PHLPP2: variants seen among roughly 807,000 people sequenced by gnomAD.
PHLPP2 encodes the protein PH domain and leucine rich repeat protein phosphatase 2.
PHLPP2 carries 66 observed loss-of-function variants against 124.9 expected under a neutral mutation model. The ratio of observed to expected loss-of-function variants is 0.53; its 90% CI spans 0.43 to 0.65. The LOEUF is 0.65. Ranked by LOEUF, PHLPP2 falls within the 30% of genes least tolerant of loss-of-function variation. PHLPP2 has a pLI of 0.00. For missense variants in PHLPP2, 1,685 were observed against 1,600.4 expected (o/e 1.05, Z -0.90); for synonymous variants, 681 against 624.7 (o/e 1.09, Z -1.34).
In PHLPP2 at chr16:71,684,539, C is replaced by T. The variant is rs1440337692; in HGVS notation, c.672G>A (p.Gln224=). ...LAFSSAGAQA[Q]TYHVSFETLA... ...AAGTCTCGAAGCTGACATGATAGGTCTGAGCTTGGGCTCCTGCTGAGCTGA... is the reference window on the plus strand; with the variant it reads ...AAGTCTCGAAGCTGACATGATAGGTTTGAGCTTGGGCTCCTGCTGAGCTGA... The change falls in exon 5 of 19, where the codon CAG becomes CAA. Residue 224 remains glutamine, a synonymous_variant. Coordinates refer to ENST00000568954, the MANE Select transcript of PHLPP2 (RefSeq NM_015020.3). 2 of 1,613,936 alleles carry T rather than the reference C, an allele frequency of 1.2e-6. No individual in the cohort carries two copies. The highest frequency in any genetic ancestry group is 1.7e-6 in the Non-Finnish European group (2 of 1,179,948).
chr16:71,671,878 C>A (rs774368317), intron 10 of PHLPP2, among the ~76,000 whole-genome samples: 2 of 152,064 alleles, frequency 1.3e-5, no homozygotes, highest in African/African-American at 2.4e-5. Flanking sequence ...CACGCCACTG[C>A]ACTCCAGCCT....
chr16:71,673,121 TAA>T (rs960893886), intron 9 of PHLPP2, among the ~76,000 whole-genome samples: 1 of 152,240 alleles, frequency 6.6e-6, no homozygotes, highest in African/African-American at 2.4e-5. Context: ...GATGACATGT[TAA>T]GTCTTTTCCA....
At chr16:71,693,293 G>C (rs543828865) in intron 3 of PHLPP2, among the ~76,000 whole-genome samples, 1 of 151,642 alleles carries the variant, frequency 6.6e-6, no homozygotes, top group African/African-American at 2.4e-5. Context: ...TCTCACAAAA[G>C]AAAAAAAAGA....
At position 71,648,725 on chromosome 16, in the gene PHLPP2, C is replaced by G; in HGVS notation, c.*165G>C. On this transcript the variant is annotated 3_prime_UTR_variant, in exon 19 of 19. Coordinates refer to ENST00000568954, the MANE Select transcript of PHLPP2 (RefSeq NM_015020.3). ...GACAGAGGCTGCAGTGACCCGAGAC[C>G]CCACCATTGCACTCCAGCCTGAGCG... 1.6e-6 allele frequency: 1 copy of G among 610,774 alleles called. No homozygotes were observed. Among genetic ancestry groups the G allele is most frequent in the Non-Finnish European group, 2.9e-6 (1 of 347,588 alleles). The allele number at this position is 610,774 out of a possible 1,614,324, so 37.8% of individuals were successfully genotyped here.
intron 16 of PHLPP2, among the ~76,000 whole-genome samples, chr16:71,655,763 T>C (rs568827559): frequency 7.2e-5 from 11 of 152,080 alleles, no homozygotes; most frequent in Non-Finnish European, 1.5e-4. Context: ...GTCCTGGGAT[T>C]ACAGGTGTGA....
rs571267477 is a variant in PHLPP2, at chr16:71,709,187, C to T, written c.284+5325G>A. ...CAAAAACATGTAGGAAAAAAAACTC[C>T]CTTTCCCCTATTCAGTGGTAATCAG... is the stretch of plus-strand genomic sequence containing the variant. On this transcript the variant is annotated intron_variant, in intron 2 of 18. Coordinates refer to ENST00000568954, the MANE Select transcript of PHLPP2 (RefSeq NM_015020.3). Among the ~76,000 whole-genome samples the T allele has an allele frequency of 4.6e-5, 7 of 152,058 alleles. No homozygotes were observed. In the East Asian group the frequency reaches 1.2e-3, roughly 25 times the overall value.
At chr16:71,716,356 C>A (rs1219732528) in intron 1 of PHLPP2, among the ~76,000 whole-genome samples, 1 of 152,142 alleles carries the variant, frequency 6.6e-6, no homozygotes, top group African/African-American at 2.4e-5. Context: ...AGTATCAACA[C>A]AATACTGCAC....
At chr16:71,694,467 TAAATA>T (rs1476858820) in intron 3 of PHLPP2, among the ~76,000 whole-genome samples, 1 of 151,628 alleles carries the variant, frequency 6.6e-6, no homozygotes, top group African/African-American at 2.4e-5. Flanking sequence ...TCTCAAAAAA[TAAATA>T]AAATAAATAA....
intron 11 of PHLPP2, 107 bp from the exon 12 acceptor site, chr16:71,667,440 T>G: frequency 2.4e-6 from 2 of 840,856 alleles, no homozygotes; most frequent in Non-Finnish European, 3.7e-6. Context: ...TAGAAACATA[T>G]TCTCCTAGAT....
Position 71,656,628 on chromosome 16 carries a change from G to T in PHLPP2, c.2333C>A (p.Thr778Lys). 3 of 1,613,766 alleles carry T rather than the reference G, an allele frequency of 1.9e-6. No homozygotes were observed. Among genetic ancestry groups the T allele is most frequent in the Non-Finnish European group, 2.5e-6 (3 of 1,179,694 alleles). The change falls in exon 16 of 19, where the codon ACA (threonine) becomes AAA (lysine). Residue 778 changes from threonine (T) to lysine (K), a missense_variant. Physicochemically the swap from Thr to Lys is moderately conservative, Grantham distance 78. Coordinates refer to ENST00000568954, the MANE Select transcript of PHLPP2 (RefSeq NM_015020.3). ...DQKPLPTTDS[T>K]VTSTFWSHGL... ...ATGGCTCCAGAAGGTTGACGTAACT[G>T]TAGAATCTGTGGTTGGCAAAGGTTT...
intron 14 of PHLPP2, 75 bp from the exon 15 acceptor site, chr16:71,658,438 T>G (rs2044760194): frequency 7.3e-6 from 10 of 1,376,834 alleles, no homozygotes; most frequent in East Asian, 7.0e-5. Flanking sequence ...GTCCAATCTC[T>G]TACTATATCC....
intron 3 of PHLPP2, among the ~76,000 whole-genome samples, chr16:71,693,448 A>T (rs1232077455): frequency 6.6e-6 from 1 of 152,164 alleles, no homozygotes; most frequent in Non-Finnish European, 1.5e-5. Flanking sequence ...TTCTCTTTTC[A>T]ATCAATCATT....
At position 71,714,602 on chromosome 16, in the gene PHLPP2, A is replaced by C; in HGVS notation, c.194T>G (p.Val65Gly). 6.2e-7 allele frequency: 1 copy of C among 1,614,150 alleles called. No homozygotes were observed. Among genetic ancestry groups the C allele is most frequent in the East Asian group, 2.2e-5 (1 of 44,882 alleles). Residue 65 changes from valine (V) to glycine (G), a missense_variant, in exon 2 of 19, where the codon GTC becomes GGC. Val to Gly is a moderately radical substitution (Grantham distance 109, BLOSUM62 -3). Transcript: ENST00000568954. Reference sequence around the variant, plus strand: ...TGCTGGTGTCTCTACAGTGCAAAGGACGAGATGTAAGTCAGAGGAAGAGGA... The same window carrying C: ...TGCTGGTGTCTCTACAGTGCAAAGGCCGAGATGTAAGTCAGAGGAAGAGGA... ...SSSSSSDLHL[V>G]LCTVETPASE...
rs778025916 is a variant in PHLPP2, at chr16:71,714,762, T to C, written c.34A>G (p.Arg12Gly). Residue 12 changes from arginine to glycine, a missense_variant, in exon 2 of 19, where the codon AGG (arginine) becomes GGG (glycine). By Grantham distance (125) the Arg-to-Gly change is moderately radical. Coordinates refer to ENST00000568954, the MANE Select transcript of PHLPP2 (RefSeq NM_015020.3). ...KRNGSRNCLN[R>G]RSRFGSRERD... ...TCTCGAGAACCAAACCTACTTCTCC[T>C]ATTCAAACAATTTCTGCTCCCATTG... 1 of 1,613,938 alleles carries C rather than the reference T, an allele frequency of 6.2e-7. No individual in the cohort carries two copies. Among genetic ancestry groups the C allele is most frequent in the Non-Finnish European group, 8.5e-7 (1 of 1,179,932 alleles).
At chr16:71,661,283 C>A in intron 13 of PHLPP2, among the ~76,000 whole-genome samples, 1 of 151,958 alleles carries the variant, frequency 6.6e-6, no homozygotes, top group Non-Finnish European at 1.5e-5. Context: ...GTTGCCCAGG[C>A]TGGTCTTAAA....
chr16:71,717,521 A>C (rs2045370996), intron 1 of PHLPP2, among the ~76,000 whole-genome samples: 1 of 152,220 alleles, frequency 6.6e-6, no homozygotes, highest in Admixed American at 6.5e-5. Context: ...AAAGCTGAAC[A>C]TCTCAGAATG....
rs2044663803 is a variant in PHLPP2 at position 71,647,751 on chromosome 16, G to A, written c.*1139C>T. ...TGTCAAGGGGTAATTCTCTTTTTCT[G>A]ATCTAGGGAGAAGTAGTCTAGGTCC... On this transcript the variant is annotated 3_prime_UTR_variant, in exon 19 of 19. Transcript: ENST00000568954. 1 of 152,106 alleles carries A rather than the reference G, an allele frequency of 6.6e-6. No homozygotes were observed. The highest frequency in any genetic ancestry group is 6.5e-5 in the Admixed American group (1 of 15,280). 9.4% of individuals were successfully genotyped at this position (152,106 alleles called of 1,614,324 possible). A position where few individuals can be genotyped will look rare whatever the true frequency, so the allele number is the denominator to read the frequency against.
In PHLPP2 at chr16:71,658,337, C is replaced by T. The variant is rs199619105; in HGVS notation, c.2175G>A (p.Leu725=). The change falls in exon 15 of 19, where the codon TTG becomes TTA. Residue 725 remains leucine, a synonymous_variant. Transcript: ENST00000568954. ...IQFVDLSCND[L]TEILIPEALP... ...AAGCCTCTGGAATCAGGATTTCTGT[C>T]AAGTCGTTGCAACTTAGGTCTACAA... 2.5e-6 allele frequency: 4 copies of T among 1,613,812 alleles called. No homozygotes were observed. The South Asian group carries it at 4.4e-5, about 18-fold the overall frequency.
At position 71,652,857 on chromosome 16, in the gene PHLPP2, A is replaced by C. The variant is rs770246033; in HGVS notation, c.2750T>G (p.Val917Gly). 30 of 1,614,060 alleles carry C rather than the reference A, an allele frequency of 1.9e-5. No individual in the cohort carries two copies. In the South Asian group the frequency reaches 3.3e-4, roughly 18 times the overall value. The change falls in exon 18 of 19, where the codon GTC becomes GGC. Residue 917 changes from valine to glycine, a missense_variant. By Grantham distance (109) the Val-to-Gly change is moderately radical (BLOSUM62 -3). Transcript: ENST00000568954. ...CTCTGGGTCCTGCTCCAGGCTGAAGACTTTAGAGAGGGGCACTGGCTTCCC... is the reference window on the plus strand; with the variant it reads ...CTCTGGGTCCTGCTCCAGGCTGAAGCCTTTAGAGAGGGGCACTGGCTTCCC... ...RGGKPVPLSKVFSLEQDPEEA... is the reference protein window; with the variant it reads ...RGGKPVPLSKGFSLEQDPEEA...
Sources: gnomAD v4.1 joint callset for allele counts (sites outside exome capture counted in the v4.1 genomes callset) on GRCh38, gnomAD v4.1.1 for gene constraint, MANE v1.5 for transcripts, NCBI Gene and HGNC (gene_info 2026-07-23, HGNC 2026-07-21) for gene names.